Variants in EYS observed in about 807,000 individuals in gnomAD.
The protein encoded by EYS is EGF-like photoreceptor maintenance factor, also known as protein eyes shut homolog.
Under a neutral mutation model 282.1 loss-of-function variants are expected in EYS, and 250 were observed. The ratio of observed to expected loss-of-function variants is 0.89; its 90% confidence interval spans 0.80 to 0.98. The LOEUF (loss-of-function observed/expected upper bound fraction) is 0.98. EYS is among the 50% of genes least tolerant of loss of function. The pLI, the probability that EYS is intolerant of heterozygous loss-of-function variation, is 0.00. For missense variants in EYS, 4,016 were observed against 3,709.0 expected, an observed-to-expected ratio of 1.08 and a Z score of -2.15; for synonymous variants, 1,355 against 1,282.9, an observed-to-expected ratio of 1.06 and a Z score of -1.20.
intron 28 of EYS, among the ~76,000 whole-genome samples, chr6:64,419,668 C>T (rs1391612535): frequency 6.6e-6 from 1 of 152,208 alleles, no homozygotes; most frequent in Non-Finnish European, 1.5e-5. Flanking sequence ...AGTCATTAAA[C>T]CTTAAAGTTC....
chr6:65,336,730 T>C (rs1338216105), intron 10 of EYS, among the ~76,000 whole-genome samples: 3 of 151,048 alleles, frequency 2.0e-5, no homozygotes, highest in Non-Finnish European at 4.4e-5. Context: ...CACATGTTTG[T>C]TTAATATTTT....
At chr6:64,339,018 A>C (rs1489454828) in intron 29 of EYS, among the ~76,000 whole-genome samples, 2 of 152,098 alleles carry the variant, frequency 1.3e-5, no homozygotes, top group African/African-American at 2.4e-5. Context: ...CTAAGACCTG[A>C]AACTATAAAA....
At position 64,997,749 on chromosome 6, in the gene EYS, T is replaced by C. The variant is rs759350288; in HGVS notation, c.2138-46A>G. The stretch of plus-strand genomic sequence containing the variant: ...AAAACTCTTAACATTCCTTTAACCT[T>C]AGTACAGGTAATTATAATTAGTCTA... On this transcript the variant is annotated intron_variant, in intron 13 of 42. Coordinates refer to ENST00000503581, the MANE Select transcript of EYS (RefSeq NM_001142800.2). The C allele has an allele frequency of 5.3e-6, 8 of 1,519,222 alleles. No homozygotes were observed. The South Asian group carries it at 8.8e-5, about 17-fold the overall frequency. The allele number at this position is 1,519,222 out of a possible 1,614,324, so 94.1% of individuals were successfully genotyped here.
At chr6:64,507,336 A>G (rs1777244128) in intron 26 of EYS, among the ~76,000 whole-genome samples, 1 of 152,174 alleles carries the variant, frequency 6.6e-6, no homozygotes, top group African/African-American at 2.4e-5. Flanking sequence ...CCTGTTTAAA[A>G]GAGGATGAGA....
At chr6:65,432,177 CA>C (rs1767912072) in intron 5 of EYS, among the ~76,000 whole-genome samples, 1 of 152,030 alleles carries the variant, frequency 6.6e-6, no homozygotes, top group Non-Finnish European at 1.5e-5. Context: ...TTAATCTTTT[CA>C]TAAGTCAGGA....
chr6:63,871,990 A>C (rs532735463), intron 35 of EYS, among the ~76,000 whole-genome samples: 2 of 152,196 alleles, frequency 1.3e-5, no homozygotes, highest in Admixed American at 1.3e-4. Flanking sequence ...TCCAGCTTCT[A>C]GGTGTCCCAG....
intron 2 of EYS, among the ~76,000 whole-genome samples, chr6:65,550,442 T>G (rs1334859453): frequency 1.2e-4 from 1 of 8,056 alleles, no homozygotes; most frequent in Non-Finnish European, 1.6e-4. Context: ...CACCCACTAA[T>G]GTGTCATCTA....
At chr6:64,873,313 T>C (rs1766650354) in intron 19 of EYS, among the ~76,000 whole-genome samples, 1 of 152,064 alleles carries the variant, frequency 6.6e-6, no homozygotes, top group African/African-American at 2.4e-5. Flanking sequence ...TCCCCATGAT[T>C]CAATTACTTC....
chr6:64,192,335 T>G (rs574163534), intron 31 of EYS, among the ~76,000 whole-genome samples: 129 of 152,184 alleles, frequency 8.5e-4, no homozygotes, highest in South Asian at 3.9e-3. Context: ...TTAGTTTAAT[T>G]AGATCCCATT....
At chr6:63,984,317 G>A in intron 35 of EYS, 66 bp downstream of exon 35, 1 of 1,164,002 alleles carries the variant, frequency 8.6e-7, no homozygotes, top group Middle Eastern at 1.9e-4. Context: ...AATACTGCTG[G>A]CTTTTGTTGT....
intron 8 of EYS, 48 bp downstream of exon 8, chr6:65,384,338 T>C (rs373631034): frequency 8.1e-6 from 8 of 989,762 alleles, no homozygotes; most frequent in African/African-American, 1.6e-5. Flanking sequence ...ACTGAGTCTA[T>C]TGTATTTTGA....
intron 2 of EYS, among the ~76,000 whole-genome samples, chr6:65,521,099 A>C (rs1767350672): frequency 6.6e-6 from 1 of 152,168 alleles, no homozygotes; most frequent in African/African-American, 2.4e-5. Flanking sequence ...TGCTGCAATT[A>C]AGAGAAAAAT....
At position 65,295,852 on chromosome 6, in the gene EYS, A is replaced by C; in HGVS notation, c.2023+11T>G. The C allele has an allele frequency of 6.6e-7, 1 of 1,525,770 alleles. No homozygotes were observed. Among genetic ancestry groups the C allele is most frequent in the Non-Finnish European group, 8.8e-7 (1 of 1,139,126 alleles). 94.5% of individuals were successfully genotyped at this position (1,525,770 alleles called of 1,614,324 possible). The stretch of plus-strand genomic sequence containing the variant: ...TAGAAAATTTAATTTATCAGGAAAA[A>C]AAAAACTTGCCTTTAAATCCTGGGA... On this transcript the variant is annotated intron_variant, in intron 12 of 42. Transcript: ENST00000503581.
intron 5 of EYS, among the ~76,000 whole-genome samples, chr6:65,445,907 A>C (rs1768635830): frequency 1.3e-5 from 2 of 151,772 alleles, no homozygotes; most frequent in African/African-American, 4.8e-5. Flanking sequence ...TTCCACATAA[A>C]ATTTCCCAAT....
chr6:64,809,331 A>G (rs1211430648), intron 22 of EYS, among the ~76,000 whole-genome samples: 1 of 152,088 alleles, frequency 6.6e-6, no homozygotes, highest in Non-Finnish European at 1.5e-5. Context: ...GAATATAATA[A>G]TATGGCTTTT....
At chr6:64,294,097 G>GGTGACAGTA (rs3072590) in intron 30 of EYS, among the ~76,000 whole-genome samples, 1 of 152,134 alleles carries the variant, frequency 6.6e-6, no homozygotes, top group African/African-American at 2.4e-5. Flanking sequence ...TTAATCCAAA[G>GGTGACAGTA]TTTGTCATAT....
At chr6:64,950,488 C>T (rs1487204675) in intron 14 of EYS, among the ~76,000 whole-genome samples, 2 of 151,028 alleles carry the variant, frequency 1.3e-5, no homozygotes, top group Non-Finnish European at 3.0e-5. Flanking sequence ...TTTAGATAGT[C>T]GAAAACAGTA....
At chr6:63,808,011 T>TA (rs1320165045) in intron 36 of EYS, among the ~76,000 whole-genome samples, 1 of 152,194 alleles carries the variant, frequency 6.6e-6, no homozygotes, top group Non-Finnish European at 1.5e-5. Flanking sequence ...GTTAATAATT[T>TA]ACAACTGAGT....
At chr6:65,124,630 CTG>C (rs1423533606) in intron 12 of EYS, among the ~76,000 whole-genome samples, 1 of 152,138 alleles carries the variant, frequency 6.6e-6, no homozygotes, top group African/African-American at 2.4e-5. Context: ...ATCATAGTGA[CTG>C]TTACATTAAC....
Sources: allele counts gnomAD v4.1 joint callset (sites outside exome capture counted in the v4.1 genomes callset), GRCh38; gene constraint gnomAD v4.1.1; transcripts MANE v1.5; gene names NCBI Gene and HGNC (gene_info 2026-07-23, HGNC 2026-07-21).